The following FYN variants were observed in gnomAD, a reference collection of about 807,000 sequenced individuals.
The protein encoded by FYN is FYN proto-oncogene, Src family tyrosine kinase, also known as tyrosine-protein kinase Fyn.
Under a neutral mutation model 70.2 loss-of-function variants are expected in FYN, and 10 were observed. That is an observed-to-expected ratio of 0.14 (90% CI 0.09 to 0.24). The LOEUF (loss-of-function observed/expected upper bound fraction) is 0.24, where lower values mean the gene tolerates loss of function less well. Ranked by LOEUF, FYN falls within the 10% of genes least tolerant of loss-of-function variation. The probability of loss-of-function intolerance (pLI) is 1.00; values close to 1 mark genes in which losing one functional copy is unlikely to be tolerated. For synonymous variants in FYN, 236 were observed against 248.6 expected, an observed-to-expected ratio of 0.95 and a Z score of 0.48; for missense variants, 319 against 673.1, an observed-to-expected ratio of 0.47 and a Z score of 5.82.
At chr6:111,706,288 G>A (rs978328808) in intron 6 of FYN, among the ~76,000 whole-genome samples, 1 of 152,172 alleles carries the variant, frequency 6.6e-6, no homozygotes, top group African/African-American at 2.4e-5. Context: ...CTGTGTGTGG[G>A]AACCATTTTT....
chr6:111,683,717 G>A (rs1238032057), intron 12 of FYN, among the ~76,000 whole-genome samples: 1 of 95,890 alleles, frequency 1.0e-5, no homozygotes, highest in Non-Finnish European at 2.0e-5. Flanking sequence ...AGTTACTCTG[G>A]GTAATAAAAC....
chr6:111,814,350 T>A (rs1165926632), intron 2 of FYN, among the ~76,000 whole-genome samples: 4 of 152,198 alleles, frequency 2.6e-5, no homozygotes, highest in Non-Finnish European at 5.9e-5. Context: ...TAAAGCCATT[T>A]TCATTGATGA....
chr6:111,661,655 G>A lies in FYN; in HGVS notation c.*84C>T. 1 of 1,315,792 alleles carries A rather than the reference G, an allele frequency of 7.6e-7. No individual in the cohort carries two copies. The highest frequency in any genetic ancestry group is 1.1e-6 in the Non-Finnish European group (1 of 941,232). The allele number at this position is 1,315,792 out of a possible 1,614,324, so 81.5% of individuals were successfully genotyped here. On this transcript the variant is annotated 3_prime_UTR_variant, in exon 14 of 14. Transcript: ENST00000354650. The surrounding 1 kb of genome is among the most constrained non-coding windows in gnomAD (Gnocchi z 4.0). ...TGATCCTGGGCGGTTCCGCTGCTGGGGAGCAGCTGGCTACGGAATTGAAAG... is the reference window on the plus strand; with the variant it reads ...TGATCCTGGGCGGTTCCGCTGCTGGAGAGCAGCTGGCTACGGAATTGAAAG...
chr6:111,687,268 A>G (rs1799048391), intron 12 of FYN, among the ~76,000 whole-genome samples: 1 of 152,220 alleles, frequency 6.6e-6, no homozygotes, highest in African/African-American at 2.4e-5. Context: ...CCTCCAGACA[A>G]TAATCTATTC....
intron 13 of FYN, among the ~76,000 whole-genome samples, chr6:111,671,060 G>C (rs551178067): frequency 6.6e-6 from 1 of 152,292 alleles, no homozygotes; most frequent in African/African-American, 2.4e-5. Flanking sequence ...GGAACTGATG[G>C]AGCTCTTCTT....
intron 3 of FYN, among the ~76,000 whole-genome samples, chr6:111,770,146 G>A (rs957831403): frequency 4.6e-5 from 7 of 152,176 alleles, no homozygotes; most frequent in Admixed American, 2.0e-4. Context: ...CAAGTGGCTT[G>A]TACAAATTGA....
At chr6:111,699,981 C>A in intron 9 of FYN, 123 bp downstream of exon 9, 1 of 668,332 alleles carries the variant, frequency 1.5e-6, no homozygotes, top group Non-Finnish European at 2.3e-6. Context: ...ATTATTATTC[C>A]CCACTATTAG....
intron 8 of FYN, among the ~76,000 whole-genome samples, 162 bp from the exon 9 acceptor site, chr6:111,700,430 A>T (rs1338270927): frequency 6.6e-6 from 1 of 151,984 alleles, no homozygotes; most frequent in Non-Finnish European, 1.5e-5. Flanking sequence ...AGCAGCACAC[A>T]GCGCTCCTTA....
At chr6:111,791,175 T>C (rs1479635816) in intron 2 of FYN, among the ~76,000 whole-genome samples, 4 of 152,050 alleles carry the variant, frequency 2.6e-5, no homozygotes, top group African/African-American at 7.2e-5. Flanking sequence ...TATAGAGTAA[T>C]AGTAAAAGTG....
intron 2 of FYN, among the ~76,000 whole-genome samples, chr6:111,786,142 G>A (rs1010563098): frequency 4.6e-5 from 7 of 151,874 alleles, no homozygotes; most frequent in Admixed American, 2.0e-4. Flanking sequence ...CATGCGCCAT[G>A]TTGGTGTGCT....
intron 1 of FYN, among the ~76,000 whole-genome samples, chr6:111,861,143 T>A (rs1773951257): frequency 6.8e-6 from 1 of 147,476 alleles, no homozygotes; most frequent in South Asian, 2.1e-4. Context: ...ACTGAAAACA[T>A]ATGTAAAACC....
rs1369023784 is a variant in FYN at position 111,702,910 on chromosome 6, A to T, written c.672T>A (p.Leu224=). Residue 224 remains leucine, a synonymous_variant, in exon 8 of 14, where the codon CTT becomes CTA. Coordinates refer to ENST00000354650, the MANE Select transcript of FYN (RefSeq NM_002037.5). ...YITTRAQFET[L]QQLVQHYSER... ...CTGAGTAATGTTGTACAAGCTGCTGAAGTGTTTCAAACTGGGCCCGGGTGG... is the reference window on the plus strand; with the variant it reads ...CTGAGTAATGTTGTACAAGCTGCTGTAGTGTTTCAAACTGGGCCCGGGTGG... The T allele has an allele frequency of 6.2e-7, 1 of 1,614,156 alleles. No homozygotes were observed.
At chr6:111,666,093 C>T (rs761258084) in intron 13 of FYN, among the ~76,000 whole-genome samples, 83 of 151,060 alleles carry the variant, frequency 5.5e-4, no homozygotes, top group Non-Finnish European at 3.2e-4. Context: ...CCTCCACCTC[C>T]CTGGTTCAAG....
chr6:111,808,692 T>C (rs1200886178), intron 2 of FYN, among the ~76,000 whole-genome samples: 1 of 152,122 alleles, frequency 6.6e-6, no homozygotes, highest in South Asian at 2.1e-4. Flanking sequence ...GGTGCAAAAC[T>C]TCAAAAGCAA....
At chr6:111,774,713 G>C (rs1010080130) in intron 3 of FYN, among the ~76,000 whole-genome samples, 1 of 151,924 alleles carries the variant, frequency 6.6e-6, no homozygotes, top group East Asian at 1.9e-4. Context: ...TACTTATTAA[G>C]GGGATGGAGT....
At chr6:111,786,822 T>C (rs1336796267) in intron 2 of FYN, among the ~76,000 whole-genome samples, 2 of 152,278 alleles carry the variant, frequency 1.3e-5, no homozygotes, top group African/African-American at 2.4e-5. Flanking sequence ...CCAGTGATGA[T>C]GAGCATTTTT....
chr6:111,679,605 A>AT (rs1743563386), intron 12 of FYN, among the ~76,000 whole-genome samples: 1 of 152,054 alleles, frequency 6.6e-6, no homozygotes, highest in Non-Finnish European at 1.5e-5. Context: ...TACAGAGCGT[A>AT]TTATCAGTTC....
intron 13 of FYN, among the ~76,000 whole-genome samples, chr6:111,663,207 C>A (rs1014946059): frequency 6.6e-6 from 1 of 152,208 alleles, no homozygotes; most frequent in East Asian, 1.9e-4. Context: ...GTATCTGACC[C>A]GGTTAATTTG....
intron 13 of FYN, among the ~76,000 whole-genome samples, chr6:111,670,267 G>C (rs1440089553): frequency 6.6e-6 from 1 of 152,132 alleles, no homozygotes; most frequent in African/African-American, 2.4e-5. Flanking sequence ...TGATTCTGGA[G>C]GGTCTCTGCA....
Sources: gnomAD v4.1 joint callset for allele counts (sites outside exome capture counted in the v4.1 genomes callset) on GRCh38, gnomAD v4.1.1 for gene constraint, Gnocchi (gnomAD v3.1) non-coding constraint, MANE v1.5 for transcripts, NCBI Gene and HGNC (gene_info 2026-07-23, HGNC 2026-07-21) for gene names.